The following WDR90 variants were observed in gnomAD, a reference collection of about 807,000 sequenced individuals.
WDR90 encodes WD repeat domain 90.
WDR90 carries 238 observed loss-of-function variants against 195.2 expected under a neutral mutation model. The observed-to-expected ratio is 1.22, with a 90% CI of 1.10 to 1.36. The LOEUF is 1.36. Ranked by LOEUF, WDR90 falls within the 40% of genes most tolerant of loss-of-function variation. The probability of loss-of-function intolerance (pLI) is 0.00; values close to 1 mark genes in which losing one functional copy is unlikely to be tolerated. For missense variants in WDR90, 2,734 were observed against 2,439.5 expected, an observed-to-expected ratio of 1.12 and a Z score of -2.54; for synonymous variants, 1,265 against 1,052.4, an observed-to-expected ratio of 1.20 and a Z score of -3.91.
At chr16:652,681 T>C in intron 10 of WDR90, 146 bp downstream of exon 10, 1 of 804,978 alleles carries the variant, frequency 1.2e-6, no homozygotes, top group South Asian at 3.7e-5. Context: ...CCCGTCCCCC[T>C]GCAGTCCGCT....
rs756807276 is a variant in WDR90, at chr16:662,327, G to A, written c.4141G>A (p.Ala1381Thr). 27 of 1,559,918 alleles carry A rather than the reference G, an allele frequency of 1.7e-5. 1 individual carries two copies. The highest frequency in any genetic ancestry group is 1.7e-5 in the Non-Finnish European group (20 of 1,153,818). Residue 1381 changes from alanine to threonine, a missense_variant, in exon 33 of 41, where the codon GCC becomes ACC. Physicochemically the swap from Ala to Thr is moderately conservative, Grantham distance 58. Transcript: ENST00000293879. The stretch of plus-strand genomic sequence containing the variant: ...GGAGCTGAGGTGCAAGGGCTCAGGC[G>A]CCAGGTGAGCTGTTCACCCCTACGT... ...VSELRCKGSG[A>T]SSVFMEHELV... is the part of the protein sequence containing the mutation.
Position 650,681 on chromosome 16 carries a change from G to T in WDR90, c.531G>T (p.Leu177=). 3 of 1,612,104 alleles carry T rather than the reference G, an allele frequency of 1.9e-6. No homozygotes were observed. The highest frequency in any genetic ancestry group is 2.5e-6 in the Non-Finnish European group (3 of 1,179,366). Residue 177 remains leucine, a synonymous_variant, in exon 5 of 41, where the codon CTG becomes CTT. Transcript: ENST00000293879. The stretch of plus-strand genomic sequence containing the variant: ...GCGCCAGCCTGCTGGTCAGGAACCT[G>T]TACACCAGTGACCTGTGCTTTGAGC... ...RLCASLLVRN[L]YTSDLCFEPA... is the part of the protein sequence containing the mutation.
At chr16:657,534 C>G (rs757229371) in intron 20 of WDR90, among the ~76,000 whole-genome samples, 1 of 152,216 alleles carries the variant, frequency 6.6e-6, no homozygotes, top group East Asian at 1.9e-4. Context: ...TAACTTGGGC[C>G]CCCTGAGTGG....
At position 658,667 on chromosome 16, in the gene WDR90, G is replaced by A. The variant is rs774815911; in HGVS notation, c.2895+14G>A. The A allele has an allele frequency of 5.7e-5, 92 of 1,600,430 alleles. No homozygotes were observed. Among genetic ancestry groups the A allele is most frequent in the Non-Finnish European group, 7.5e-5 (88 of 1,170,646 alleles). On this transcript the variant is annotated intron_variant, in intron 23 of 40. Transcript: ENST00000293879. ...CCAGGCCCCCAGGTGTGTGCGTGGGGAGGCAGGTGGCTTTGGCGGTCAGGA... is the reference window on the plus strand; with the variant it reads ...CCAGGCCCCCAGGTGTGTGCGTGGGAAGGCAGGTGGCTTTGGCGGTCAGGA...
intron 20 of WDR90, chr16:657,481 G>T: frequency 2.8e-6 from 2 of 712,320 alleles, no homozygotes; most frequent in Non-Finnish European, 4.5e-6. Flanking sequence ...AGCAGCTGGA[G>T]TCAGACCCAG....
chr16:653,278 TC>T, intron 10 of WDR90, 62 bp from the exon 11 acceptor site: 3 of 1,375,780 alleles, frequency 2.2e-6, no homozygotes, highest in South Asian at 3.0e-5. Context: ...GAGGCTGACC[TC>T]CCGGCAGCCA....
rs1221577917 is a variant in WDR90 at position 656,321 on chromosome 16, C to T, written c.1986C>T (p.Ser662=). 1.5e-5 allele frequency: 24 copies of T among 1,609,136 alleles called. No individual in the cohort carries two copies. Reference sequence around the variant, plus strand: ...CCACAGAGCACGAGGGCCCCGTCAGCTCAGTCTGTGTCAGCCCCGATGGCC... The same window carrying T: ...CCACAGAGCACGAGGGCCCCGTCAGTTCAGTCTGTGTCAGCCCCGATGGCC... ...LLEAEHEGPV[S]SVCVSPDGLR... is the part of the protein sequence containing the mutation. The change falls in exon 18 of 41, where the codon AGC becomes AGT. Residue 662 remains serine (S), a synonymous_variant. Coordinates refer to ENST00000293879, the MANE Select transcript of WDR90 (RefSeq NM_145294.5).
In WDR90 at chr16:661,440, C is replaced by T. The variant is rs774864959; in HGVS notation, c.3612C>T (p.Pro1204=). ...SGGLCQHLIF[P]HSTTVLALAF... ...GCCTCTGCCAGCATCTCATTTTCCC[C>T]CATAGCACCACCGTGCTGGCCCTGG... Residue 1204 remains proline (P), a synonymous_variant, in exon 30 of 41, where the codon CCC becomes CCT. Transcript: ENST00000293879. 3.7e-6 allele frequency: 6 copies of T among 1,612,520 alleles called. No homozygotes were observed. Among genetic ancestry groups the T allele is most frequent in the Non-Finnish European group, 5.1e-6 (6 of 1,179,894 alleles).
chr16:654,743 C>T, intron 13 of WDR90: 1 of 460,686 alleles, frequency 2.2e-6, no homozygotes. Context: ...AGCCACTGTG[C>T]CCAGCCACGA....
chr16:662,530 T>A (rs1418474235), intron 33 of WDR90, 149 bp from the exon 34 acceptor site: 5 of 1,250,404 alleles, frequency 4.0e-6, no homozygotes, highest in Non-Finnish European at 5.5e-6. Flanking sequence ...AAGCCCCAGC[T>A]CCATGGGCTT....
Position 666,811 on chromosome 16 carries a change from G to T in WDR90, c.5004+19G>T. ...GAAGCAGGTACACGCAGCTGCCCGC[G>T]TGTCACTGGGAGCCCCAGGGATCCA... On this transcript the variant is annotated intron_variant, in intron 39 of 40. Transcript: ENST00000293879. The T allele has an allele frequency of 1.2e-6, 2 of 1,612,660 alleles. No individual in the cohort carries two copies. The highest frequency in any genetic ancestry group is 1.7e-6 in the Non-Finnish European group (2 of 1,179,842).
rs1445511091 is a variant in WDR90 at position 666,724 on chromosome 16, G to A, written c.4936G>A (p.Ala1646Thr). 4 of 1,612,852 alleles carry A rather than the reference G, an allele frequency of 2.5e-6. No individual in the cohort carries two copies. Among genetic ancestry groups the A allele is most frequent in the African/African-American group, 2.7e-5 (2 of 75,054 alleles). Reference protein sequence around the residue: ...SLAAFCPWDGALLMYVGPGVY... With the variant: ...SLAAFCPWDGTLLMYVGPGVY... ...CGCTGCCTTCTGCCCTTGGGATGGG[G>A]CGCTCCTGATGTACGTGGGCCCCGG... The change falls in exon 39 of 41, where the codon GCG becomes ACG. Residue 1646 changes from alanine to threonine, a missense_variant. Ala to Thr is a moderately conservative substitution (Grantham distance 58). Transcript: ENST00000293879.
At chr16:664,684 A>ATT (rs71391146) in intron 34 of WDR90, among the ~76,000 whole-genome samples, 39 of 141,752 alleles carry the variant, frequency 2.8e-4, no homozygotes, top group African/African-American at 8.3e-4. Context: ...GCTGAACTGA[A>ATT]TTTTTTTTTT....
intron 13 of WDR90, chr16:654,578 G>C (rs1324346941): frequency 1.3e-5 from 2 of 159,590 alleles, no homozygotes; most frequent in Non-Finnish European, 2.8e-5. Flanking sequence ...AGTAGAGATA[G>C]GCTTTCACCT....
In WDR90 at chr16:656,292, C is replaced by A. The variant is rs905211007; in HGVS notation, c.1967-10C>A. The A allele has an allele frequency of 6.2e-7, 1 of 1,601,706 alleles. No homozygotes were observed. The highest frequency in any genetic ancestry group is 1.1e-5 in the South Asian group (1 of 90,714). ...GGCCCTGGAGGCCCCTGACCCCACC[C>A]CACCCACAGAGCACGAGGGCCCCGT... On this transcript the variant is annotated splice_polypyrimidine_tract_variant and intron_variant, in intron 17 of 40. Coordinates refer to ENST00000293879, the MANE Select transcript of WDR90 (RefSeq NM_145294.5).
chr16:655,708 G>T lies in WDR90; in HGVS notation c.1849+5G>T, dbSNP rs1285058804. ...AGAAGCAGACCTTCAGCTCAGGTAA[G>T]AGGGCGCCCACCACGTGGCCAGGGT... On this transcript the variant is annotated splice_donor_5th_base_variant and intron_variant, in intron 16 of 40. Coordinates refer to ENST00000293879, the MANE Select transcript of WDR90 (RefSeq NM_145294.5). 6.3e-7 allele frequency: 1 copy of T among 1,589,260 alleles called. No homozygotes were observed. Among genetic ancestry groups the T allele is most frequent in the Admixed American group, 1.8e-5 (1 of 56,730 alleles).
At chr16:649,509 C>A (rs980971690) in intron 1 of WDR90, 83 bp downstream of exon 1, 30 of 1,271,034 alleles carry the variant, frequency 2.4e-5, no homozygotes, top group South Asian at 2.7e-5. Context: ...GCGCTCAGGG[C>A]CCCCGCCTAG....
chr16:652,359 T>A (rs560059236), intron 9 of WDR90, 108 bp from the exon 10 acceptor site: 1 of 1,331,908 alleles, frequency 7.5e-7, no homozygotes, highest in African/African-American at 1.5e-5. Context: ...CAGGGCAGTC[T>A]TCTTGAGAGG....
At position 655,869 on chromosome 16, in the gene WDR90, C is replaced by T. The variant is rs781259262; in HGVS notation, c.1946C>T (p.Ser649Phe). The change falls in exon 17 of 41, where the codon TCC becomes TTC. Residue 649 changes from serine to phenylalanine, a missense_variant. Physicochemically the swap from Ser to Phe is radical, Grantham distance 155. Coordinates refer to ENST00000293879, the MANE Select transcript of WDR90 (RefSeq NM_145294.5). ...GFLRLWPLDF[S>F]SVLLEAEHEG... ...TTGCGGCTCTGGCCCCTGGACTTCT[C>T]CTCGGTGCTCCTGGAGGCAGGTGAT... 6.3e-7 allele frequency: 1 copy of T among 1,597,126 alleles called. No individual in the cohort carries two copies. Among genetic ancestry groups the T allele is most frequent in the Non-Finnish European group, 8.5e-7 (1 of 1,174,786 alleles).
Sources: gnomAD v4.1 joint callset for allele counts (sites outside exome capture counted in the v4.1 genomes callset) on GRCh38, gnomAD v4.1.1 for gene constraint, MANE v1.5 for transcripts, NCBI Gene and HGNC (gene_info 2026-07-23, HGNC 2026-07-21) for gene names.